FRYL: variants seen among roughly 807,000 people sequenced by gnomAD.
The protein encoded by FRYL is protein furry homolog-like.
Under a neutral mutation model 351.2 loss-of-function variants are expected in FRYL, and 150 were observed. The ratio of observed to expected loss-of-function variants is 0.43; its 90% CI spans 0.37 to 0.49. FRYL has a LOEUF of 0.49. FRYL is among the 20% of genes least tolerant of loss of function. FRYL has a pLI of 0.00. For missense variants in FRYL, 3,036 were observed against 3,619.3 expected, an observed-to-expected ratio of 0.84 and a Z score of 4.13; for synonymous variants, 1,153 against 1,257.1, an observed-to-expected ratio of 0.92 and a Z score of 1.75.
At chr4:48,634,038 A>G (rs1753766978) in intron 4 of FRYL, among the ~76,000 whole-genome samples, 1 of 152,192 alleles carries the variant, frequency 6.6e-6, no homozygotes, top group South Asian at 2.1e-4. Context: ...GTTAACTCAC[A>G]TTATATCCTA....
chr4:48,711,557 C>T (rs1399875850), intron 1 of FRYL, among the ~76,000 whole-genome samples: 2 of 152,332 alleles, frequency 1.3e-5, no homozygotes, highest in African/African-American at 4.8e-5. Context: ...AACAAAGCAG[C>T]CGGGAAGCTC....
intron 60 of FRYL, among the ~76,000 whole-genome samples, chr4:48,504,468 C>G (rs1392941029): frequency 6.6e-6 from 1 of 152,088 alleles, no homozygotes; most frequent in Non-Finnish European, 1.5e-5. Context: ...GGTTACATTA[C>G]TTGCCGAAGT....
At position 48,522,940 on chromosome 4, in the gene FRYL, C is replaced by T. The variant is rs777313345; in HGVS notation, c.7482G>A (p.Ala2494=). 63 of 1,613,830 alleles carry T rather than the reference C, an allele frequency of 3.9e-5. No homozygotes were observed. Among genetic ancestry groups the T allele is most frequent in the East Asian group, 1.1e-4 (5 of 44,884 alleles). Residue 2494 remains alanine (A), a synonymous_variant, in exon 54 of 64, where the codon GCG becomes GCA. Coordinates refer to ENST00000358350, the MANE Select transcript of FRYL (RefSeq NM_015030.2). ...AGAGTATCTGGCTTGCTGTAAGTGC[C>T]GCTTCTTCTTCCGAGGACTCATCTG... ...EDTDESSEEE[A]ALTASQILSR...
intron 1 of FRYL, among the ~76,000 whole-genome samples, chr4:48,757,870 A>G (rs1171081051): frequency 6.6e-6 from 1 of 152,250 alleles, no homozygotes; most frequent in Admixed American, 6.5e-5. Context: ...ACAGCATGGT[A>G]CTGGTACCAA....
chr4:48,616,743 A>G (rs1749543156), intron 7 of FRYL, among the ~76,000 whole-genome samples: 1 of 152,230 alleles, frequency 6.6e-6, no homozygotes, highest in African/African-American at 2.4e-5. Context: ...TTTACTCGTC[A>G]AGACTGAAAC....
At chr4:48,583,308 C>T (rs11734019) in intron 19 of FRYL, among the ~76,000 whole-genome samples, 77,921 of 151,824 alleles carry the variant, frequency 0.51, 20,460 homozygotes, top group South Asian at 0.61. Flanking sequence ...CCCGCCACCA[C>T]ACCCAGCTAA....
At chr4:48,503,891 A>G (rs745627036) in intron 60 of FRYL, among the ~76,000 whole-genome samples, 95 of 152,210 alleles carry the variant, frequency 6.2e-4, no homozygotes, top group Non-Finnish European at 2.2e-4. Context: ...TCATATGGAA[A>G]TTAACAATTT....
chr4:48,744,540 C>T (rs1156919180), intron 1 of FRYL, among the ~76,000 whole-genome samples: 1 of 152,120 alleles, frequency 6.6e-6, no homozygotes, highest in Non-Finnish European at 1.5e-5. Flanking sequence ...GTTGCATATG[C>T]CTGATTTTTT....
chr4:48,661,201 GT>G (rs1299074938), intron 3 of FRYL, among the ~76,000 whole-genome samples: 3 of 152,142 alleles, frequency 2.0e-5, no homozygotes, highest in Admixed American at 1.3e-4. Context: ...TAAAAAGTTT[GT>G]TAAAAAAAAT....
chr4:48,542,129 G>T lies in FRYL; in HGVS notation c.5593-8C>A, dbSNP rs1317805007. 1.3e-6 allele frequency: 2 copies of T among 1,590,176 alleles called. No individual in the cohort carries two copies. Among genetic ancestry groups the T allele is most frequent in the South Asian group, 2.2e-5 (2 of 90,446 alleles). ...AAGCTCAATCACAAATCCCTGGGGG[G>T]AAAAAGGCAGATTTTAATTAATTAT... On this transcript the variant is annotated splice_region_variant and splice_polypyrimidine_tract_variant and intron_variant, in intron 44 of 63. Transcript: ENST00000358350.
At chr4:48,595,538 T>G in intron 15 of FRYL, 52 bp downstream of exon 15, 2 of 1,035,780 alleles carry the variant, frequency 1.9e-6, no homozygotes, top group Non-Finnish European at 2.8e-6. Context: ...GTGATTACAA[T>G]AGATTACTCT....
intron 3 of FRYL, among the ~76,000 whole-genome samples, chr4:48,658,626 C>T (rs561766272): frequency 1.2e-4 from 18 of 151,008 alleles, no homozygotes; most frequent in African/African-American, 4.4e-4. Flanking sequence ...TGGTGGCAGC[C>T]GCTTGCAGTT....
chr4:48,515,394 A>C (rs2148795352), intron 55 of FRYL, 119 bp from the exon 56 acceptor site: 4 of 731,702 alleles, frequency 5.5e-6, no homozygotes, highest in Non-Finnish European at 8.8e-6. Context: ...TCATTTATAC[A>C]GTCTGTCACC....
chr4:48,672,306 T>G (rs1762879336), intron 3 of FRYL, among the ~76,000 whole-genome samples: 1 of 152,232 alleles, frequency 6.6e-6, no homozygotes, highest in African/African-American at 2.4e-5. Flanking sequence ...AACATTTCAC[T>G]GCCTGGCCCC....
chr4:48,779,930 C>T (rs940241711), intron 1 of FRYL, 148 bp downstream of exon 1: 10 of 151,964 alleles, frequency 6.6e-5, no homozygotes, highest in African/African-American at 2.2e-4. Context: ...GACCGCCTTC[C>T]CTCGGCGCCC....
intron 3 of FRYL, among the ~76,000 whole-genome samples, chr4:48,676,436 G>A (rs1319703501): frequency 1.3e-5 from 2 of 152,190 alleles, no homozygotes; most frequent in Admixed American, 6.5e-5. Flanking sequence ...GCGAGGGTCC[G>A]CGGCTTCATT....
At chr4:48,631,374 AATAAG>A (rs1345955278) in intron 4 of FRYL, among the ~76,000 whole-genome samples, 1 of 152,312 alleles carries the variant, frequency 6.6e-6, no homozygotes, top group Non-Finnish European at 1.5e-5. Flanking sequence ...TGAATTAACT[AATAAG>A]ATAAATGAAT....
At chr4:48,779,727 G>T (rs1206317733) in intron 1 of FRYL, among the ~76,000 whole-genome samples, 1 of 151,892 alleles carries the variant, frequency 6.6e-6, no homozygotes, top group Non-Finnish European at 1.5e-5. Context: ...CGCGCGAGGG[G>T]TACCCGGGCG....
At position 48,581,468 on chromosome 4, in the gene FRYL, A is replaced by G. The variant is rs750529511; in HGVS notation, c.2124T>C (p.Ser708=). 4.4e-4 allele frequency: 708 copies of G among 1,613,656 alleles called. 1 individual carries two copies. The highest frequency in any genetic ancestry group is 5.8e-4 in the Non-Finnish European group (681 of 1,179,900). ...SRPATRRLAV[S]VLREIRALFA... ...ATAAAGCCCGTATTTCTCTAAGGAC[A>G]CTGACGGCTAGTCTCCTAGTGGCAG... The change falls in exon 21 of 64, where the codon AGT becomes AGC. Residue 708 remains serine (S), a synonymous_variant. Coordinates refer to ENST00000358350, the MANE Select transcript of FRYL (RefSeq NM_015030.2).
Sources: allele counts gnomAD v4.1 joint callset (sites outside exome capture counted in the v4.1 genomes callset), GRCh38; gene constraint gnomAD v4.1.1; transcripts MANE v1.5; gene names NCBI Gene and HGNC (gene_info 2026-07-23, HGNC 2026-07-21).